RAB10: variants seen among roughly 807,000 people sequenced by gnomAD.
The protein encoded by RAB10 is RAB10, member RAS oncogene family, also known as ras-related protein Rab-10.
In RAB10, 5 loss-of-function variants were observed where a neutral mutation model predicts 25.7. The ratio of observed to expected loss-of-function variants is 0.19; its 90% confidence interval spans 0.10 to 0.41. RAB10 has a LOEUF of 0.41. RAB10 is among the 10% of genes least tolerant of loss of function. The pLI, the probability that RAB10 is intolerant of heterozygous loss-of-function variation, is 1.00. For synonymous variants in RAB10, 89 were observed against 86.4 expected (o/e 1.03, Z -0.16); for missense variants, 103 against 245.8 (o/e 0.42, Z 3.89).
intron 5 of RAB10, among the ~76,000 whole-genome samples, chr2:26,133,591 G>A (rs1397355324): frequency 6.6e-6 from 1 of 151,998 alleles, no homozygotes; most frequent in Non-Finnish European, 1.5e-5. Context: ...CTGTATGTAA[G>A]GTATCACTTT....
intron 3 of RAB10, among the ~76,000 whole-genome samples, chr2:26,121,679 A>G (rs1333171461): frequency 6.6e-6 from 1 of 152,232 alleles, no homozygotes; most frequent in Non-Finnish European, 1.5e-5. Flanking sequence ...AAACATACAC[A>G]GATCTATTAT....
chr2:26,107,373 A>G (rs900888900), intron 2 of RAB10, among the ~76,000 whole-genome samples: 2 of 152,212 alleles, frequency 1.3e-5, no homozygotes, highest in African/African-American at 4.8e-5. Flanking sequence ...TCCTCTCTAC[A>G]AAATACCCTG....
rs1367179886 is a variant in RAB10, at chr2:26,137,409, C to A, written c.*2388C>A. 3.9e-5 allele frequency: 6 copies of A among 152,592 alleles called. No homozygotes were observed. Among genetic ancestry groups the A allele is most frequent in the Non-Finnish European group, 8.8e-5 (6 of 68,022 alleles). 9.5% of individuals were successfully genotyped at this position (152,592 alleles called of 1,614,324 possible). ...ACAATTTAAATAAACTGAAATATTT[C>A]TAGATGGTCTACTTCTGTTCATATA... On this transcript the variant is annotated 3_prime_UTR_variant, in exon 6 of 6. Coordinates refer to ENST00000264710, the MANE Select transcript of RAB10 (RefSeq NM_016131.5).
At chr2:26,087,612 G>A (rs1037541421) in intron 1 of RAB10, among the ~76,000 whole-genome samples, 2 of 152,144 alleles carry the variant, frequency 1.3e-5, no homozygotes, top group Non-Finnish European at 2.9e-5. Flanking sequence ...CAGTTGACCA[G>A]GTTGGTCTCA....
At chr2:26,108,588 A>G (rs1667511648) in intron 2 of RAB10, among the ~76,000 whole-genome samples, 1 of 148,690 alleles carries the variant, frequency 6.7e-6, no homozygotes, top group African/African-American at 2.5e-5. Context: ...AGAACTATAT[A>G]TACACACATA....
chr2:26,040,508 A>T (rs1649910649), intron 1 of RAB10, among the ~76,000 whole-genome samples: 1 of 152,110 alleles, frequency 6.6e-6, no homozygotes, highest in African/African-American at 2.4e-5. Flanking sequence ...AAAACAAAAA[A>T]TTAGCAGGAC....
intron 1 of RAB10, among the ~76,000 whole-genome samples, chr2:26,039,611 AGTT>A (rs1665840793): frequency 6.6e-6 from 1 of 152,102 alleles, no homozygotes; most frequent in African/African-American, 2.4e-5. Context: ...GGCCTCCCAA[AGTT>A]CTGGGATTAC....
chr2:26,125,141 A>G (rs1163290818), intron 3 of RAB10, among the ~76,000 whole-genome samples: 2 of 152,186 alleles, frequency 1.3e-5, no homozygotes, highest in Non-Finnish European at 2.9e-5. Context: ...TTGCTGGATC[A>G]TATGATAATT....
chr2:26,112,633 T>C (rs4665309), intron 3 of RAB10, among the ~76,000 whole-genome samples: 116,598 of 152,088 alleles, frequency 0.77, 44,762 homozygotes, highest in East Asian at 0.87. Flanking sequence ...TGTGGTGGTG[T>C]ACACCTGTGG....
chr2:26,042,516 T>C lies in RAB10; in HGVS notation c.127+7781T>C, dbSNP rs569717603. 2.0e-5 allele frequency among the ~76,000 whole-genome samples: 3 copies of C among 152,064 alleles called. No individual in the cohort carries two copies. In the East Asian group the frequency reaches 5.8e-4, roughly 29 times the overall value. Reference sequence around the variant, plus strand: ...AAAAAATTAGCTGGGTGCGGTGGTGTACACCTGTAGTCCCAGCTACTCAGG... The same window carrying C: ...AAAAAATTAGCTGGGTGCGGTGGTGCACACCTGTAGTCCCAGCTACTCAGG... On this transcript the variant is annotated intron_variant, in intron 1 of 5. Transcript: ENST00000264710.
intron 1 of RAB10, among the ~76,000 whole-genome samples, chr2:26,082,066 A>T (rs1022893870): frequency 1.3e-5 from 2 of 152,172 alleles, no homozygotes; most frequent in African/African-American, 4.8e-5. Flanking sequence ...CTCAATTTTT[A>T]ATTTATTTAA....
At chr2:26,108,061 C>A (rs1269949235) in intron 2 of RAB10, among the ~76,000 whole-genome samples, 1 of 152,266 alleles carries the variant, frequency 6.6e-6, no homozygotes, top group African/African-American at 2.4e-5. Flanking sequence ...GTTGCTAGTG[C>A]AAATGTCAAG....
chr2:26,119,677 A>G (rs1194708071), intron 3 of RAB10, among the ~76,000 whole-genome samples: 2 of 151,952 alleles, frequency 1.3e-5, no homozygotes, highest in Non-Finnish European at 2.9e-5. Context: ...GTGCTATATC[A>G]TGTCTGGCTA....
rs141216297 is a variant in RAB10, at chr2:26,069,277, A to G, written c.128-29385A>G. 3.3e-5 allele frequency among the ~76,000 whole-genome samples: 5 copies of G among 152,300 alleles called. No homozygotes were observed. The East Asian group carries it at 5.8e-4, about 18-fold the overall frequency. ...CCCACTAGTAAAAGAGATAACCCCA[A>G]CAGTTTTAGGATTAATGCTGAGTTG... On this transcript the variant is annotated intron_variant, in intron 1 of 5. Transcript: ENST00000264710.
intron 1 of RAB10, among the ~76,000 whole-genome samples, chr2:26,048,037 GTTT>G (rs61183627): frequency 7.4e-6 from 1 of 134,668 alleles, no homozygotes; most frequent in Non-Finnish European, 1.6e-5. Context: ...GGGCCCATTA[GTTT>G]TTTTTTTTTT....
Position 26,098,109 on chromosome 2 carries a change from C to CTTTTTTTTTTTTTTTTTTTTTT in RAB10, c.128-546_128-525dup, listed in dbSNP as rs57174956. 3.8e-4 allele frequency among the ~76,000 whole-genome samples: 20 copies of CTTTTTTTTTTTTTTTTTTTTTT among 52,728 alleles called. 1 individual carries two copies. Among genetic ancestry groups the CTTTTTTTTTTTTTTTTTTTTTT allele is most frequent in the South Asian group, 8.4e-4 (1 of 1,186 alleles). 34.6% of individuals were successfully genotyped at this position (52,728 alleles called of 152,430 possible). A position where few individuals can be genotyped will look rare whatever the true frequency, so the allele number is the denominator to read the frequency against. ...CTTCTTTTTCTTTCTTTCTTTCTTT[C>CTTTTTTTTTTTTTTTTTTTTTT]TTTTTTTTTTTTTTTTTTTTTTTTT... On this transcript the variant is annotated intron_variant, in intron 1 of 5. Coordinates refer to ENST00000264710, the MANE Select transcript of RAB10 (RefSeq NM_016131.5).
chr2:26,095,383 GGATCACGA>G (rs1559591655), intron 1 of RAB10, among the ~76,000 whole-genome samples: 2 of 152,114 alleles, frequency 1.3e-5, no homozygotes, highest in African/African-American at 2.4e-5. Flanking sequence ...CAAGGTGGGC[GGATCACGA>G]GATCAGGAGA....
chr2:26,059,925 T>G (rs574472347), intron 1 of RAB10, among the ~76,000 whole-genome samples: 15 of 151,686 alleles, frequency 9.9e-5, no homozygotes, highest in South Asian at 4.2e-4. Context: ...ATTATGTGGG[T>G]TTTTTTTACC....
chr2:26,063,387 T>C (rs900429024), intron 1 of RAB10, among the ~76,000 whole-genome samples: 1 of 152,174 alleles, frequency 6.6e-6, no homozygotes, highest in Non-Finnish European at 1.5e-5. Context: ...ATTTTCTCAT[T>C]ATTACCATTT....
Sources: allele counts gnomAD v4.1 joint callset (sites outside exome capture counted in the v4.1 genomes callset), GRCh38; gene constraint gnomAD v4.1.1; transcripts MANE v1.5; gene names NCBI Gene and HGNC (gene_info 2026-07-23, HGNC 2026-07-21).